ULK4: variants seen among roughly 807,000 people sequenced by gnomAD.
ULK4 encodes the protein unc-51 like kinase 4.
A neutral mutation model predicts 160.6 loss-of-function variants in ULK4; 133 were observed. The observed-to-expected ratio is 0.83, with a 90% confidence interval of 0.72 to 0.96. The LOEUF is 0.96. Among genes scored for constraint, ULK4 ranks in the 40% least tolerant of loss-of-function variants. The pLI is 0.00. For synonymous variants in ULK4, 534 were observed against 539.8 expected, an observed-to-expected ratio of 0.99 and a Z score of 0.15; for missense variants, 1,580 against 1,499.5, an observed-to-expected ratio of 1.05 and a Z score of -0.89.
At chr3:41,339,661 CA>C (rs2080640418) in intron 35 of ULK4, among the ~76,000 whole-genome samples, 2 of 152,150 alleles carry the variant, frequency 1.3e-5, no homozygotes, top group African/African-American at 4.8e-5. Flanking sequence ...GAGGTACGAA[CA>C]AAACAATCTC....
intron 34 of ULK4, among the ~76,000 whole-genome samples, chr3:41,424,728 TAAC>T (rs1333539800): frequency 7.1e-6 from 1 of 140,602 alleles, no homozygotes. Flanking sequence ...TAGAAAGCAA[TAAC>T]AACAACAGCA....
At chr3:41,810,811 T>C (rs2125619804) in intron 19 of ULK4, among the ~76,000 whole-genome samples, 2 of 152,334 alleles carry the variant, frequency 1.3e-5, no homozygotes, top group East Asian at 3.9e-4. Context: ...GTTAATTGGC[T>C]TATTTCCTTT....
intron 30 of ULK4, among the ~76,000 whole-genome samples, chr3:41,660,181 G>C (rs1457578161): frequency 6.6e-6 from 1 of 152,068 alleles, no homozygotes; most frequent in African/African-American, 2.4e-5. Context: ...TGTAATCCCA[G>C]CTACTCGGGA....
At chr3:41,285,758 A>T (rs1388829372) in intron 35 of ULK4, among the ~76,000 whole-genome samples, 1 of 152,232 alleles carries the variant, frequency 6.6e-6, no homozygotes, top group East Asian at 1.9e-4. Context: ...ACAAAATAAA[A>T]CAATGGCAAA....
At chr3:41,940,087 C>G (rs1483606770) in intron 2 of ULK4, among the ~76,000 whole-genome samples, 1 of 151,596 alleles carries the variant, frequency 6.6e-6, no homozygotes, top group Admixed American at 6.6e-5. Context: ...TTGAAACTTA[C>G]ACCTGTTTTA....
At chr3:41,508,287 C>T (rs1165636517) in intron 32 of ULK4, among the ~76,000 whole-genome samples, 1 of 152,082 alleles carries the variant, frequency 6.6e-6, no homozygotes, top group African/African-American at 2.4e-5. Flanking sequence ...GCAAGCCCTG[C>T]CCAAGGAGAG....
intron 18 of ULK4, among the ~76,000 whole-genome samples, chr3:41,831,291 A>G (rs1343766072): frequency 1.3e-5 from 2 of 151,864 alleles, no homozygotes; most frequent in African/African-American, 4.8e-5. Flanking sequence ...CTCCAAAAGT[A>G]CTGGGATGGA....
intron 22 of ULK4, among the ~76,000 whole-genome samples, chr3:41,742,427 G>A (rs1405894056): frequency 6.6e-6 from 1 of 151,902 alleles, no homozygotes; most frequent in Non-Finnish European, 1.5e-5. Context: ...AGCAGAAGCA[G>A]GCAGTAATCT....
chr3:41,271,985 C>T (rs529417094), intron 35 of ULK4, among the ~76,000 whole-genome samples: 131 of 151,920 alleles, frequency 8.6e-4, no homozygotes, highest in Non-Finnish European at 1.3e-3. Flanking sequence ...GGCATGATCG[C>T]GGCTCACTGC....
At chr3:41,268,070 C>G (rs1291080405) in intron 35 of ULK4, among the ~76,000 whole-genome samples, 1 of 152,110 alleles carries the variant, frequency 6.6e-6, no homozygotes, top group Non-Finnish European at 1.5e-5. Flanking sequence ...TTTTGGTGGT[C>G]ACAACTGGGG....
intron 35 of ULK4, among the ~76,000 whole-genome samples, chr3:41,277,586 AG>A (rs35349217): frequency 0.25 from 37,842 of 152,020 alleles, 6,979 homozygotes; most frequent in African/African-American, 0.52. Context: ...GCGGCATAAA[AG>A]GGACATACCT....
chr3:41,664,001 GA>G (rs1404566497), intron 29 of ULK4, among the ~76,000 whole-genome samples: 4 of 152,276 alleles, frequency 2.6e-5, no homozygotes, highest in African/African-American at 9.6e-5. Flanking sequence ...ACAAGCATCT[GA>G]AAAATCTGAA....
At chr3:41,903,189 C>A (rs1264697983) in intron 12 of ULK4, among the ~76,000 whole-genome samples, 12 of 152,144 alleles carry the variant, frequency 7.9e-5, no homozygotes, top group African/African-American at 2.9e-4. Context: ...TAAAGTAAGA[C>A]ATCAATATTT....
chr3:41,357,062 C>T (rs111879575), intron 35 of ULK4, among the ~76,000 whole-genome samples: 1 of 152,264 alleles, frequency 6.6e-6, no homozygotes, highest in African/African-American at 2.4e-5. Context: ...TCTGCAACCA[C>T]TGGAGGGTGT....
chr3:41,806,394 G>C (rs1334402458), intron 19 of ULK4, among the ~76,000 whole-genome samples: 1 of 151,988 alleles, frequency 6.6e-6, no homozygotes, highest in African/African-American at 2.4e-5. Context: ...TATTAGTCTT[G>C]CTAGTGGTCT....
chr3:41,822,142 C>G (rs537827755), intron 18 of ULK4, among the ~76,000 whole-genome samples: 105 of 152,260 alleles, frequency 6.9e-4, no homozygotes, highest in African/African-American at 2.4e-3. Flanking sequence ...GTTCCCCTTG[C>G]TCTTCGGATC....
intron 35 of ULK4, among the ~76,000 whole-genome samples, chr3:41,267,111 T>C (rs2079052230): frequency 6.6e-6 from 1 of 151,296 alleles, no homozygotes; most frequent in African/African-American, 2.4e-5. Context: ...GGTATACGTG[T>C]GCCACGGTGG....
At chr3:41,644,253 G>T (rs1332151692) in intron 30 of ULK4, among the ~76,000 whole-genome samples, 3 of 151,846 alleles carry the variant, frequency 2.0e-5, no homozygotes, top group Non-Finnish European at 2.9e-5. Flanking sequence ...GTGAGAGAGG[G>T]CATCCCTGTC....
chr3:41,348,933 T>G (rs1161719317), intron 35 of ULK4, among the ~76,000 whole-genome samples: 1 of 152,196 alleles, frequency 6.6e-6, no homozygotes, highest in Non-Finnish European at 1.5e-5. Context: ...TTCTGTAATG[T>G]CACTTAGAAC....
Sources: gnomAD v4.1 joint callset for allele counts (sites outside exome capture counted in the v4.1 genomes callset) on GRCh38, gnomAD v4.1.1 for gene constraint, MANE v1.5 for transcripts, NCBI Gene and HGNC (gene_info 2026-07-23, HGNC 2026-07-21) for gene names.